Variants in PRKG1 observed in about 807,000 individuals in gnomAD.
PRKG1 encodes protein kinase cGMP-dependent 1, also known as cGMP-dependent protein kinase 1.
A neutral mutation model predicts 88.1 loss-of-function variants in PRKG1; 35 were observed. The observed-to-expected ratio is 0.40, with a 90% CI of 0.30 to 0.53. The LOEUF is 0.53. PRKG1 is among the 20% of genes least tolerant of loss of function. The probability of loss-of-function intolerance (pLI) is 0.59; values close to 1 mark genes in which losing one functional copy is unlikely to be tolerated. For synonymous variants in PRKG1, 303 were observed against 292.5 expected (o/e 1.04, Z -0.37); for missense variants, 540 against 839.8 (o/e 0.64, Z 4.41).
rs34894735 is a variant in PRKG1 at position 51,078,385 on chromosome 10, AT to A, written c.311+3508del. ...AGGCACGTGCCACCAATGCCTGGCTATTTTTTTTTTTTTTTTTTTTTTTTAG... is the reference window on the plus strand; with the variant it reads ...AGGCACGTGCCACCAATGCCTGGCTATTTTTTTTTTTTTTTTTTTTTTTAG... On this transcript the variant is annotated intron_variant, in intron 1 of 17. Transcript: ENST00000373980. Among the ~76,000 whole-genome samples, 545 of 85,742 alleles carry A rather than the reference AT, an allele frequency of 6.4e-3. 5 individuals carry two copies. The highest frequency in any genetic ancestry group is 0.026 in the South Asian group (69 of 2,646). The allele number at this position is 85,742 out of a possible 152,430, so 56.3% of individuals were successfully genotyped here. A position where few individuals can be genotyped will look rare whatever the true frequency, so the allele number is the denominator to read the frequency against.
intron 2 of PRKG1, among the ~76,000 whole-genome samples, chr10:51,256,721 G>C (rs1839569323): frequency 6.6e-6 from 1 of 152,048 alleles, no homozygotes; most frequent in Non-Finnish European, 1.5e-5. Flanking sequence ...TTTACTCTAG[G>C]AGTGATAGAT....
At chr10:51,270,617 T>C (rs1474089347) in intron 2 of PRKG1, among the ~76,000 whole-genome samples, 1 of 152,108 alleles carries the variant, frequency 6.6e-6, no homozygotes, top group Non-Finnish European at 1.5e-5. Flanking sequence ...CAAGCAGGAT[T>C]TAAATCTTTC....
chr10:51,595,074 C>T (rs1395828259), intron 3 of PRKG1, among the ~76,000 whole-genome samples: 5 of 151,924 alleles, frequency 3.3e-5, no homozygotes, highest in African/African-American at 1.2e-4. Context: ...GTGCCAAGTG[C>T]GGTGGCTCAA....
intron 2 of PRKG1, among the ~76,000 whole-genome samples, chr10:51,159,134 T>C (rs2131984981): frequency 6.6e-6 from 1 of 152,144 alleles, no homozygotes; most frequent in Non-Finnish European, 1.5e-5. Context: ...CTATTTTCCC[T>C]CCCCAAACAT....
chr10:51,426,854 A>G (rs2132717651), intron 2 of PRKG1, among the ~76,000 whole-genome samples: 1 of 152,332 alleles, frequency 6.6e-6, no homozygotes, highest in South Asian at 2.1e-4. Flanking sequence ...TACAGAAAAC[A>G]GGCTGGGGAG....
At chr10:51,107,660 CA>C (rs1197050569) in intron 1 of PRKG1, among the ~76,000 whole-genome samples, 1 of 151,376 alleles carries the variant, frequency 6.6e-6, no homozygotes, top group Non-Finnish European at 1.5e-5. Flanking sequence ...CCCATATCTA[CA>C]AAAAACTGAA....
chr10:51,630,809 G>T (rs1341336594), intron 3 of PRKG1, among the ~76,000 whole-genome samples: 2 of 152,192 alleles, frequency 1.3e-5, no homozygotes, highest in African/African-American at 4.8e-5. Flanking sequence ...GTCCTTAGCA[G>T]CAGGCAGGAT....
At chr10:52,098,274 A>G (rs1847219306) in intron 7 of PRKG1, among the ~76,000 whole-genome samples, 1 of 152,224 alleles carries the variant, frequency 6.6e-6, no homozygotes, top group Non-Finnish European at 1.5e-5. Flanking sequence ...CAGTTTCTAC[A>G]GTTCCCTCTA....
intron 2 of PRKG1, among the ~76,000 whole-genome samples, chr10:51,280,684 A>C (rs904436511): frequency 6.6e-6 from 1 of 152,116 alleles, no homozygotes; most frequent in Non-Finnish European, 1.5e-5. Flanking sequence ...GCATTCGTCA[A>C]GTAGTTCTTG....
intron 9 of PRKG1, among the ~76,000 whole-genome samples, chr10:52,199,912 T>C (rs1370791839): frequency 3.9e-5 from 6 of 152,178 alleles, no homozygotes; most frequent in Non-Finnish European, 8.8e-5. Flanking sequence ...CTAATGAATA[T>C]ACCTTTTCAG....
At chr10:51,929,709 A>C (rs1842649683) in intron 5 of PRKG1, among the ~76,000 whole-genome samples, 1 of 152,198 alleles carries the variant, frequency 6.6e-6, no homozygotes, top group South Asian at 2.1e-4. Context: ...TGTGTTTCTC[A>C]GGTAAAATAT....
chr10:51,014,202 T>A (rs946310141), intron 1 of PRKG1, among the ~76,000 whole-genome samples: 8 of 152,230 alleles, frequency 5.3e-5, no homozygotes, highest in Non-Finnish European at 1.2e-4. Flanking sequence ...GCTCTCTTTT[T>A]AAATCTGCCA....
intron 10 of PRKG1, among the ~76,000 whole-genome samples, chr10:52,269,913 G>A (rs1336570861): frequency 6.6e-6 from 1 of 152,062 alleles, no homozygotes; most frequent in Non-Finnish European, 1.5e-5. Flanking sequence ...GGAGCCATGA[G>A]GGCTGCAAGA....
intron 3 of PRKG1, among the ~76,000 whole-genome samples, chr10:51,637,138 G>A (rs980568928): frequency 4.6e-5 from 7 of 151,880 alleles, no homozygotes; most frequent in Non-Finnish European, 2.9e-5. Flanking sequence ...CTCAAAAGAA[G>A]ACATACTTGC....
At chr10:51,009,722 C>T (rs1186245525) in intron 1 of PRKG1, among the ~76,000 whole-genome samples, 1 of 152,096 alleles carries the variant, frequency 6.6e-6, no homozygotes, top group Non-Finnish European at 1.5e-5. Flanking sequence ...AATTCAGAAA[C>T]ATTCTCATAC....
At chr10:51,376,213 A>C (rs1842813662) in intron 2 of PRKG1, among the ~76,000 whole-genome samples, 1 of 152,186 alleles carries the variant, frequency 6.6e-6, no homozygotes, top group African/African-American at 2.4e-5. Flanking sequence ...TTTCTTTTCT[A>C]AACTATTCAT....
intron 3 of PRKG1, among the ~76,000 whole-genome samples, chr10:51,499,789 C>G (rs1190978145): frequency 1.3e-5 from 2 of 152,036 alleles, no homozygotes; most frequent in South Asian, 2.1e-4. Flanking sequence ...AAATTTAAAA[C>G]TATTTTTTAA....
intron 7 of PRKG1, 37 bp downstream of exon 7, chr10:52,062,668 G>C (rs754426511): frequency 1.3e-6 from 2 of 1,485,618 alleles, no homozygotes; most frequent in Non-Finnish European, 1.9e-6. Context: ...TTTTGTTTGA[G>C]TGCTACATAA....
intron 2 of PRKG1, among the ~76,000 whole-genome samples, chr10:51,267,254 AT>A (rs1335533960): frequency 6.6e-6 from 1 of 152,238 alleles, no homozygotes; most frequent in Non-Finnish European, 1.5e-5. Flanking sequence ...TCAGAGAAAC[AT>A]TAAACACTTT....
Sources: gnomAD v4.1 joint callset for allele counts (sites outside exome capture counted in the v4.1 genomes callset) on GRCh38, gnomAD v4.1.1 for gene constraint, MANE v1.5 for transcripts, NCBI Gene and HGNC (gene_info 2026-07-23, HGNC 2026-07-21) for gene names.